The following CAMK2G variants were observed in gnomAD, a reference collection of about 807,000 sequenced individuals.
CAMK2G encodes the protein calcium/calmodulin dependent protein kinase II gamma.
Under a neutral mutation model 88.7 loss-of-function variants are expected in CAMK2G, and 23 were observed. The observed-to-expected ratio is 0.26, with a 90% confidence interval of 0.19 to 0.37. The LOEUF is 0.37. CAMK2G is among the 10% of genes least tolerant of loss of function. The probability of loss-of-function intolerance (pLI) is 1.00; values close to 1 mark genes in which losing one functional copy is unlikely to be tolerated. For synonymous variants in CAMK2G, 263 were observed against 294.8 expected (o/e 0.89, Z 1.11); for missense variants, 476 against 780.8 (o/e 0.61, Z 4.65).
chr10:73,832,506 C>T (rs528572465), intron 14 of CAMK2G, among the ~76,000 whole-genome samples: 10 of 152,110 alleles, frequency 6.6e-5, no homozygotes, highest in Middle Eastern at 6.8e-3. Flanking sequence ...GGGGTTTCAC[C>T]ATGTTGGCCA....
chr10:73,821,121 T>A (rs1302235982), intron 18 of CAMK2G, among the ~76,000 whole-genome samples: 1 of 152,100 alleles, frequency 6.6e-6, no homozygotes, highest in South Asian at 2.1e-4. Flanking sequence ...ATTTATTTGT[T>A]CCTAATTTTT....
intron 15 of CAMK2G, 34 bp downstream of exon 15, chr10:73,828,055 T>C (rs2091531311): frequency 6.3e-7 from 1 of 1,598,194 alleles, no homozygotes; most frequent in Non-Finnish European, 8.6e-7. Context: ...ACAGGCAGCA[T>C]GGAGTGGGCG....
chr10:73,817,190 G>A, intron 20 of CAMK2G, 73 bp from the exon 21 acceptor site: 2 of 1,537,146 alleles, frequency 1.3e-6, no homozygotes, highest in Non-Finnish European at 1.7e-6. Flanking sequence ...TATCAGCGGT[G>A]TCTATCCAGT....
intron 21 of CAMK2G, chr10:73,816,192 C>T (rs2085413142): frequency 2.0e-6 from 2 of 985,458 alleles, no homozygotes; most frequent in African/African-American, 1.7e-5. Flanking sequence ...GCTTCTTATC[C>T]CCTTATTTTC....
chr10:73,829,506 G>A (rs903119715), intron 14 of CAMK2G, among the ~76,000 whole-genome samples: 1 of 151,774 alleles, frequency 6.6e-6, no homozygotes, highest in Non-Finnish European at 1.5e-5. Context: ...CGCCATGTTG[G>A]CCAGGCTGGT....
chr10:73,832,495 C>T (rs561193703), intron 14 of CAMK2G, among the ~76,000 whole-genome samples: 23 of 151,934 alleles, frequency 1.5e-4, no homozygotes, highest in Non-Finnish European at 2.4e-4. Flanking sequence ...TTAGTAAAGA[C>T]GGGGTTTCAC....
chr10:73,849,254 G>GTAGT lies in CAMK2G; in HGVS notation c.414+3_414+6dup, dbSNP rs781557988. The stretch of plus-strand genomic sequence containing the variant: ...AGCAGAGGCACGGAGGGGAGCCTGG[G>GTAGT]TAGTACCTTCAGGTCCCTGTGGACG... On this transcript the variant is annotated splice_region_variant and intron_variant, in intron 6 of 22. Coordinates refer to ENST00000423381, the MANE Select transcript of CAMK2G (RefSeq NM_001367534.1). 1.8e-4 allele frequency: 291 copies of GTAGT among 1,611,422 alleles called. No individual in the cohort carries two copies. The highest frequency in any genetic ancestry group is 2.4e-5 in the Non-Finnish European group (28 of 1,177,538).
At chr10:73,858,620 G>A (rs914355671) in intron 3 of CAMK2G, among the ~76,000 whole-genome samples, 2 of 152,184 alleles carry the variant, frequency 1.3e-5, no homozygotes, top group African/African-American at 4.8e-5. Flanking sequence ...TGGAAGCACA[G>A]TTCTAGGAAA....
At chr10:73,853,899 G>A (rs771747780) in intron 3 of CAMK2G, among the ~76,000 whole-genome samples, 2 of 152,244 alleles carry the variant, frequency 1.3e-5, no homozygotes, top group Admixed American at 6.5e-5. Flanking sequence ...CCCACGCTAG[G>A]CAGCGGGATT....
intron 14 of CAMK2G, among the ~76,000 whole-genome samples, chr10:73,831,267 C>T (rs1044829274): frequency 6.6e-6 from 1 of 152,090 alleles, no homozygotes; most frequent in African/African-American, 2.4e-5. Flanking sequence ...TGGCCGGGCA[C>T]GGTGGTTCAT....
chr10:73,849,446 G>T (rs1393909248), intron 5 of CAMK2G, 113 bp from the exon 6 acceptor site: 5 of 701,952 alleles, frequency 7.1e-6, no homozygotes, highest in Non-Finnish European at 1.3e-5. Flanking sequence ...GATTCACAGA[G>T]AATCACTTAA....
intron 1 of CAMK2G, 52 bp from the exon 2 acceptor site, chr10:73,873,135 C>T: frequency 1.6e-6 from 2 of 1,275,794 alleles, no homozygotes; most frequent in Non-Finnish European, 2.3e-6. Flanking sequence ...CAGAGTGACA[C>T]AGACACACTT....
chr10:73,842,283 A>C lies in CAMK2G; in HGVS notation c.904-72T>G. 1 of 1,353,146 alleles carries C rather than the reference A, an allele frequency of 7.4e-7. No individual in the cohort carries two copies. The highest frequency in any genetic ancestry group is 1.1e-6 in the Non-Finnish European group (1 of 941,738). The allele number at this position is 1,353,146 out of a possible 1,614,324, so 83.8% of individuals were successfully genotyped here. On this transcript the variant is annotated intron_variant, in intron 11 of 22. Transcript: ENST00000423381. The surrounding 1 kb of genome is among the most constrained non-coding windows in gnomAD (Gnocchi z 4.6). The stretch of plus-strand genomic sequence containing the variant: ...GGGCAGGCTGGTCTCAGGCAAAGGC[A>C]GGTCCTGGCTAGAGCCTGAAGACAT...
In CAMK2G at chr10:73,865,835, G is replaced by A. The variant is rs182727125; in HGVS notation, c.161-4946C>T. ...CCTTCCAAGGTGGACCCTCCTCCAC[G>A]CACCTTTCTACCAGGCTCATCCCCG... On this transcript the variant is annotated intron_variant, in intron 2 of 22. Coordinates refer to ENST00000423381, the MANE Select transcript of CAMK2G (RefSeq NM_001367534.1). Among the ~76,000 whole-genome samples the A allele has an allele frequency of 2.2e-4, 33 of 152,092 alleles. No homozygotes were observed. In the East Asian group the frequency reaches 5.2e-3, roughly 24 times the overall value.
At chr10:73,831,059 G>A (rs1024065747) in intron 14 of CAMK2G, among the ~76,000 whole-genome samples, 3 of 152,280 alleles carry the variant, frequency 2.0e-5, no homozygotes, top group South Asian at 4.2e-4. Flanking sequence ...TGGAAAGGTC[G>A]AACTCTGCAC....
chr10:73,826,220 G>A (rs1003376905), intron 15 of CAMK2G, among the ~76,000 whole-genome samples: 3 of 152,170 alleles, frequency 2.0e-5, no homozygotes, highest in Non-Finnish European at 4.4e-5. Context: ...ATCACCTGAG[G>A]TCAGGAGTTC....
intron 14 of CAMK2G, among the ~76,000 whole-genome samples, chr10:73,828,789 G>A (rs1220105613): frequency 6.6e-6 from 1 of 152,194 alleles, no homozygotes; most frequent in Non-Finnish European, 1.5e-5. Flanking sequence ...TAAAACTACA[G>A]TGATCATAAA....
intron 9 of CAMK2G, 96 bp from the exon 10 acceptor site, chr10:73,847,443 A>C: frequency 7.6e-7 from 1 of 1,312,934 alleles, no homozygotes; most frequent in Non-Finnish European, 1.1e-6. Context: ...TAATTGGGAT[A>C]CTCTGTGGTA....
At position 73,827,941 on chromosome 10, in the gene CAMK2G, C is replaced by A. The variant is rs17846945; in HGVS notation, c.1086+148G>T. 2.1e-4 allele frequency: 157 copies of A among 751,434 alleles called. 2 individuals carry two copies. The East Asian group carries it at 3.8e-3, about 18-fold the overall frequency. The allele number at this position is 751,434 out of a possible 1,614,324, so 46.5% of individuals were successfully genotyped here. A position where few individuals can be genotyped will look rare whatever the true frequency, so the allele number is the denominator to read the frequency against. ...GGGTGACCTTGGGCAATGGCCCCCG[C>A]CTGGCAGGACAGGCCACACCTGCCC... On this transcript the variant is annotated intron_variant, in intron 15 of 22. Coordinates refer to ENST00000423381, the MANE Select transcript of CAMK2G (RefSeq NM_001367534.1).
Sources: gnomAD v4.1 joint callset for allele counts (sites outside exome capture counted in the v4.1 genomes callset) on GRCh38, gnomAD v4.1.1 for gene constraint, Gnocchi (gnomAD v3.1) non-coding constraint, MANE v1.5 for transcripts, NCBI Gene and HGNC (gene_info 2026-07-23, HGNC 2026-07-21) for gene names.